Variants in BCAS3 observed in about 807,000 individuals in gnomAD.
BCAS3 encodes the protein BCAS3 microtubule associated cell migration factor.
In BCAS3, 53 loss-of-function variants were observed where a neutral mutation model predicts 116.1. The ratio of observed to expected loss-of-function variants is 0.46; its 90% CI spans 0.37 to 0.57. BCAS3 has a LOEUF of 0.57. Among genes scored for constraint, BCAS3 ranks in the 20% least tolerant of loss-of-function variants. The probability of loss-of-function intolerance (pLI) is 0.00; values close to 1 mark genes in which losing one functional copy is unlikely to be tolerated. For missense variants in BCAS3, 917 were observed against 1,165.4 expected (o/e 0.79, Z 3.10); for synonymous variants, 391 against 408.2 (o/e 0.96, Z 0.51).
At chr17:61,057,235 A>G (rs1430724486) in intron 19 of BCAS3, among the ~76,000 whole-genome samples, 1 of 152,210 alleles carries the variant, frequency 6.6e-6, no homozygotes. Context: ...ACTATATAAT[A>G]GTTTTTTAAA....
chr17:60,833,101 A>G (rs956020202), intron 7 of BCAS3, among the ~76,000 whole-genome samples: 2 of 152,162 alleles, frequency 1.3e-5, no homozygotes, highest in Non-Finnish European at 2.9e-5. Flanking sequence ...TCCTGAGCTC[A>G]AGCGATCCTC....
chr17:60,889,869 A>T (rs2057015981), intron 10 of BCAS3, 98 bp downstream of exon 10: 2 of 1,123,258 alleles, frequency 1.8e-6, no homozygotes, highest in African/African-American at 1.5e-5. Flanking sequence ...TACCAATAAT[A>T]AATGTTTTAC....
chr17:61,226,496 C>T lies in BCAS3; in HGVS notation c.2426-141831C>T, dbSNP rs961056847. 6.6e-6 allele frequency among the ~76,000 whole-genome samples: 1 copy of T among 152,158 alleles called. No homozygotes were observed. The highest frequency in any genetic ancestry group is 1.5e-5 in the Non-Finnish European group (1 of 68,036). Reference sequence around the variant, plus strand: ...ATATTGAATACACTTTGCTGTAGGACAGGGCCTAGCCCATAATAGGCATGC... The same window carrying T: ...ATATTGAATACACTTTGCTGTAGGATAGGGCCTAGCCCATAATAGGCATGC... On this transcript the variant is annotated intron_variant, in intron 22 of 23. Transcript: ENST00000407086. This position sits in a 1 kb window ranked among gnomAD's most constrained non-coding sequence, Gnocchi z 6.0.
intron 19 of BCAS3, among the ~76,000 whole-genome samples, chr17:61,058,817 ACTCT>A (rs901396231): frequency 1.8e-4 from 27 of 152,098 alleles, no homozygotes; most frequent in Admixed American, 1.3e-3. Context: ...CAAACAACAG[ACTCT>A]CAATCAATGA....
chr17:60,695,141 G>A (rs2952263), intron 4 of BCAS3, among the ~76,000 whole-genome samples: 2 of 119,470 alleles, frequency 1.7e-5, no homozygotes, highest in Non-Finnish European at 3.2e-5. Context: ...TTTTTTTTGA[G>A]ATGGAGTCTC....
At chr17:61,129,215 C>A (rs143809922) in intron 22 of BCAS3, among the ~76,000 whole-genome samples, 16 of 152,310 alleles carry the variant, frequency 1.1e-4, no homozygotes, top group Non-Finnish European at 2.1e-4. Flanking sequence ...ATTTTCTTTT[C>A]TCAAAAGAGC....
chr17:61,370,068 A>C (rs752308475), intron 23 of BCAS3, among the ~76,000 whole-genome samples: 33 of 152,318 alleles, frequency 2.2e-4, no homozygotes, highest in Admixed American at 6.5e-4. Flanking sequence ...AGGTGCATTG[A>C]GTCACAGCTG....
At chr17:60,902,557 G>C in intron 10 of BCAS3, 63 bp from the exon 11 acceptor site, 4 of 1,319,326 alleles carry the variant, frequency 3.0e-6, no homozygotes, top group Non-Finnish European at 3.3e-6. Context: ...TATCCTGATA[G>C]CCTGTAGAGT....
At position 61,196,038 on chromosome 17, in the gene BCAS3, A is replaced by G. The variant is rs1295756663; in HGVS notation, c.2425+111474A>G. Among the ~76,000 whole-genome samples, 1 of 152,204 alleles carries G rather than the reference A, an allele frequency of 6.6e-6. No homozygotes were observed. The highest frequency in any genetic ancestry group is 2.4e-5 in the African/African-American group (1 of 41,450). On this transcript the variant is annotated intron_variant, in intron 22 of 23. Coordinates refer to ENST00000407086, the MANE Select transcript of BCAS3 (RefSeq NM_017679.5). This position sits in a 1 kb window ranked among gnomAD's most constrained non-coding sequence, Gnocchi z 4.7. ...TAGGTAGTTTTAAAACTGAAAATATAGCTTGTTTTTACCTCTCATCTAACT... is the reference window on the plus strand; with the variant it reads ...TAGGTAGTTTTAAAACTGAAAATATGGCTTGTTTTTACCTCTCATCTAACT...
At chr17:61,103,248 C>T (rs2074436750) in intron 22 of BCAS3, among the ~76,000 whole-genome samples, 1 of 152,098 alleles carries the variant, frequency 6.6e-6, no homozygotes, top group Non-Finnish European at 1.5e-5. Flanking sequence ...ATATTAAATG[C>T]TCAAACACCC....
At position 61,331,229 on chromosome 17, in the gene BCAS3, G is replaced by C. The variant is rs1440418320; in HGVS notation, c.2426-37098G>C. 2.6e-5 allele frequency among the ~76,000 whole-genome samples: 4 copies of C among 152,252 alleles called. No homozygotes were observed. The East Asian group carries it at 7.7e-4, about 29-fold the overall frequency. Reference sequence around the variant, plus strand: ...AGATGGGGGCTAGAGTGGGAGGGGGGCTTTTTGGCTGGACAGTTGCCAAAG... The same window carrying C: ...AGATGGGGGCTAGAGTGGGAGGGGGCCTTTTTGGCTGGACAGTTGCCAAAG... On this transcript the variant is annotated intron_variant, in intron 22 of 23. Transcript: ENST00000407086.
intron 22 of BCAS3, among the ~76,000 whole-genome samples, chr17:61,225,327 TA>T (rs1411357515): frequency 2.0e-5 from 3 of 152,204 alleles, no homozygotes; most frequent in Non-Finnish European, 4.4e-5. Context: ...AGCACTGATC[TA>T]ATTCCAATTG....
rs1440404584 is a variant in BCAS3, at chr17:61,307,422, T to G, written c.2426-60905T>G. Reference sequence around the variant, plus strand: ...TCTCAGAGAAGAATCTAACCCATGTTTTCTTTTTCCCATTGCATTTACTAC... The same window carrying G: ...TCTCAGAGAAGAATCTAACCCATGTGTTCTTTTTCCCATTGCATTTACTAC... On this transcript the variant is annotated intron_variant, in intron 22 of 23. Transcript: ENST00000407086. This position sits in a 1 kb window ranked among gnomAD's most constrained non-coding sequence, Gnocchi z 4.7. Among the ~76,000 whole-genome samples, 2 of 152,272 alleles carry G rather than the reference T, an allele frequency of 1.3e-5. No homozygotes were observed. The highest frequency in any genetic ancestry group is 1.9e-4 in the East Asian group (1 of 5,206).
At chr17:60,844,086 C>T (rs1345124475) in intron 7 of BCAS3, among the ~76,000 whole-genome samples, 1 of 152,216 alleles carries the variant, frequency 6.6e-6, no homozygotes, top group Non-Finnish European at 1.5e-5. Flanking sequence ...TCTCCTGCCT[C>T]AGCCTCCCGA....
intron 6 of BCAS3, among the ~76,000 whole-genome samples, chr17:60,802,437 G>A (rs1239572915): frequency 2.7e-5 from 4 of 149,266 alleles, no homozygotes; most frequent in South Asian, 2.1e-4. Flanking sequence ...TTCTCCAAGC[G>A]TCTATCTTTT....
At chr17:60,695,161 C>T (rs1418187823) in intron 4 of BCAS3, among the ~76,000 whole-genome samples, 1 of 147,792 alleles carries the variant, frequency 6.8e-6, no homozygotes, top group East Asian at 2.0e-4. Flanking sequence ...CGCTCTGTCA[C>T]CCAGGCTGGA....
intron 22 of BCAS3, among the ~76,000 whole-genome samples, chr17:61,353,372 C>CT (rs2057967266): frequency 6.6e-6 from 1 of 152,152 alleles, no homozygotes; most frequent in Non-Finnish European, 1.5e-5. Flanking sequence ...CTGGTGACGC[C>CT]GGCGGTCTGG....
chr17:60,897,505 A>AT (rs1290411743), intron 10 of BCAS3, among the ~76,000 whole-genome samples: 1 of 151,924 alleles, frequency 6.6e-6, no homozygotes, highest in Non-Finnish European at 1.5e-5. Context: ...GTGCTTTCAA[A>AT]TTTTTTCTTT....
rs1567969993 is a variant in BCAS3, at chr17:60,960,283, C to A, written c.1221+12931C>A. ...AAATTTTTTTTAAAAATATTATCGG[C>A]TCAAAGGTCCAATCTTATCATCTCA... On this transcript the variant is annotated intron_variant, in intron 14 of 23. Transcript: ENST00000407086. The surrounding 1 kb of genome is among the most constrained non-coding windows in gnomAD (Gnocchi z 4.1). Among the ~76,000 whole-genome samples the A allele has an allele frequency of 6.6e-6, 1 of 152,104 alleles. No homozygotes were observed. The highest frequency in any genetic ancestry group is 1.9e-4 in the East Asian group (1 of 5,186).
Sources: gnomAD v4.1 joint callset for allele counts (sites outside exome capture counted in the v4.1 genomes callset) on GRCh38, gnomAD v4.1.1 for gene constraint, Gnocchi (gnomAD v3.1) non-coding constraint, MANE v1.5 for transcripts, NCBI Gene and HGNC (gene_info 2026-07-23, HGNC 2026-07-21) for gene names.